Variants in SEC24A observed in about 807,000 individuals in gnomAD.
SEC24A encodes the protein SEC24 homolog A, COPII component, also known as protein transport protein Sec24A.
Under a neutral mutation model 129.4 loss-of-function variants are expected in SEC24A, and 93 were observed. The ratio of observed to expected loss-of-function variants is 0.72; its 90% CI spans 0.61 to 0.85. The LOEUF is 0.85. SEC24A is among the 40% of genes least tolerant of loss of function. The pLI, the probability that SEC24A is intolerant of heterozygous loss-of-function variation, is 0.00. For synonymous variants in SEC24A, 460 were observed against 467.3 expected (o/e 0.98, Z 0.20); for missense variants, 1,264 against 1,307.4 (o/e 0.97, Z 0.51).
chr5:134,657,182 G>GCACACA lies in SEC24A; in HGVS notation c.98-3910_98-3905dup, dbSNP rs70976550. On this transcript the variant is annotated intron_variant, in intron 1 of 22. Coordinates refer to ENST00000398844, the MANE Select transcript of SEC24A (RefSeq NM_021982.3). ...GAGCGAGACCTCATTTCTGAAAAAC[G>GCACACA]CACACACACACACACACACACACAC... is the stretch of plus-strand genomic sequence containing the variant. 2.8e-3 allele frequency among the ~76,000 whole-genome samples: 379 copies of GCACACA among 136,298 alleles called. 2 individuals carry two copies. The highest frequency in any genetic ancestry group is 8.4e-3 in the African/African-American group (310 of 37,050). 89.4% of individuals were successfully genotyped at this position (136,298 alleles called of 152,430 possible). A position where few individuals can be genotyped will look rare whatever the true frequency, so the allele number is the denominator to read the frequency against.
chr5:134,670,403 A>G (rs776323988), intron 3 of SEC24A, among the ~76,000 whole-genome samples: 1 of 152,206 alleles, frequency 6.6e-6, no homozygotes, highest in Non-Finnish European at 1.5e-5. Context: ...TAATACAGCT[A>G]TTGAAGTTAG....
intron 4 of SEC24A, 71 bp from the exon 5 acceptor site, chr5:134,674,543 AT>A: frequency 7.1e-7 from 1 of 1,416,400 alleles, no homozygotes; most frequent in East Asian, 2.5e-5. Flanking sequence ...TCCAAAAAAA[AT>A]GTTTTTTTAA....
At position 134,661,340 on chromosome 5, in the gene SEC24A, C is replaced by G. The variant is rs1460778495; in HGVS notation, c.319C>G (p.Arg107Gly). Residue 107 changes from arginine (R) to glycine (G), a missense_variant, in exon 2 of 23, where the codon CGA becomes GGA. By Grantham distance (125) the Arg-to-Gly change is moderately radical. Transcript: ENST00000398844. ...TPSLHSGPAPRMPLPASQNPA... is the reference protein window; with the variant it reads ...TPSLHSGPAPGMPLPASQNPA... The stretch of plus-strand genomic sequence containing the variant: ...TTCGCTTCATAGTGGTCCTGCTCCC[C>G]GAATGCCATTACCTGCTTCTCAGAA... 1 of 1,614,144 alleles carries G rather than the reference C, an allele frequency of 6.2e-7. No homozygotes were observed. Among genetic ancestry groups the G allele is most frequent in the Admixed American group, 1.7e-5 (1 of 59,988 alleles).
intron 18 of SEC24A, among the ~76,000 whole-genome samples, chr5:134,711,969 G>A (rs1053487157): frequency 9.2e-5 from 14 of 151,972 alleles, no homozygotes; most frequent in Non-Finnish European, 1.5e-4. Flanking sequence ...GGATGGTCTC[G>A]ATCTCCTGAC....
At chr5:134,677,494 G>A (rs1751106092) in intron 7 of SEC24A, among the ~76,000 whole-genome samples, 4 of 144,904 alleles carry the variant, frequency 2.8e-5, no homozygotes, top group Admixed American at 1.4e-4. Context: ...TTAAGAAGCA[G>A]AGTCTTAACT....
intron 12 of SEC24A, chr5:134,692,862 T>C: frequency 1.4e-6 from 1 of 708,178 alleles, no homozygotes; most frequent in East Asian, 2.7e-5. Context: ...AAGTTATTTG[T>C]AGTAGGGTAG....
rs933454497 is a variant in SEC24A, at chr5:134,681,440, GTT to G, written c.1382-931_1382-930del. Among the ~76,000 whole-genome samples, 29 of 120,244 alleles carry G rather than the reference GTT, an allele frequency of 2.4e-4. No individual in the cohort carries two copies. In the East Asian group the frequency reaches 4.7e-3, roughly 20 times the overall value. 78.9% of individuals were successfully genotyped at this position (120,244 alleles called of 152,430 possible). On this transcript the variant is annotated intron_variant, in intron 8 of 22. Coordinates refer to ENST00000398844, the MANE Select transcript of SEC24A (RefSeq NM_021982.3). ...AACAAAACAAAAAAACAGTTTTATT[GTT>G]TGTGTGTGTGTGTGTGTGTGTGTGT...
chr5:134,703,045 A>G (rs1487777684), intron 15 of SEC24A, among the ~76,000 whole-genome samples: 2 of 152,068 alleles, frequency 1.3e-5, no homozygotes. Flanking sequence ...GATTACAGGC[A>G]TGAGCCATTG....
chr5:134,699,691 ACT>A (rs1249007388), intron 15 of SEC24A, among the ~76,000 whole-genome samples: 1,384 of 124,260 alleles, frequency 0.011, 29 homozygotes, highest in African/African-American at 0.041. Context: ...CTTAGTTTGT[ACT>A]CTCTTTTTTT....
At position 134,696,513 on chromosome 5, in the gene SEC24A, T is replaced by C. The variant is rs144875384; in HGVS notation, c.1987-613T>C. ...AATTTTTAAAAAACATATATATATTTTTTCAGACGGAGTCTCGCTCTGTTG... is the reference window on the plus strand; with the variant it reads ...AATTTTTAAAAAACATATATATATTCTTTCAGACGGAGTCTCGCTCTGTTG... On this transcript the variant is annotated intron_variant, in intron 13 of 22. Transcript: ENST00000398844. 3.8e-3 allele frequency among the ~76,000 whole-genome samples: 581 copies of C among 152,152 alleles called. 6 individuals are homozygous for C. Among genetic ancestry groups the C allele is most frequent in the African/African-American group, 0.013 (558 of 41,538 alleles).
intron 9 of SEC24A, among the ~76,000 whole-genome samples, chr5:134,684,805 C>CA (rs896667023): frequency 5.3e-5 from 8 of 151,908 alleles, no homozygotes; most frequent in African/African-American, 1.4e-4. Context: ...TGGATTAAAA[C>CA]AAAAAAAACC....
At chr5:134,692,057 C>CTTTT (rs61531967) in intron 11 of SEC24A, among the ~76,000 whole-genome samples, 3 of 127,940 alleles carry the variant, frequency 2.3e-5, no homozygotes, top group Non-Finnish European at 5.0e-5. Context: ...TTTTTCTTTC[C>CTTTT]TTTTTTTTTT....
At chr5:134,706,344 A>G (rs1752160284) in intron 17 of SEC24A, among the ~76,000 whole-genome samples, 2 of 152,234 alleles carry the variant, frequency 1.3e-5, no homozygotes, top group South Asian at 2.1e-4. Flanking sequence ...ATGTGAGCCA[A>G]TAGGAAACTT....
At chr5:134,686,973 T>G in intron 10 of SEC24A, 71 bp downstream of exon 10, 1 of 834,756 alleles carries the variant, frequency 1.2e-6, no homozygotes, top group Middle Eastern at 3.1e-4. Flanking sequence ...TTTTTGAAAT[T>G]AAAAAATAAA....
rs58595047 is a variant in SEC24A at position 134,704,052 on chromosome 5, T to TTTTATTTA, written c.2440+146_2440+153dup. The TTTTATTTA allele has an allele frequency of 1.5e-3, 579 of 381,286 alleles. 5 individuals carry two copies. Among genetic ancestry groups the TTTTATTTA allele is most frequent in the African/African-American group, 9.8e-3 (450 of 46,100 alleles). 23.6% of individuals were successfully genotyped at this position (381,286 alleles called of 1,614,324 possible). A position where few individuals can be genotyped will look rare whatever the true frequency, so the allele number is the denominator to read the frequency against. ...ATGTGTGCTAACTTAAAATTGCTGT[T>TTTTATTTA]TTTATTTATTTATTTATTTATTTAT... On this transcript the variant is annotated intron_variant, in intron 16 of 22. Transcript: ENST00000398844.
chr5:134,713,024 C>T (rs1340521453), intron 18 of SEC24A, among the ~76,000 whole-genome samples: 4 of 146,330 alleles, frequency 2.7e-5, no homozygotes, highest in Non-Finnish European at 6.0e-5. Flanking sequence ...CTCCGCCTCC[C>T]GGGTTCACGC....
In SEC24A at chr5:134,687,403, G is replaced by A. The variant is rs1040003949; in HGVS notation, c.1604+501G>A. Among the ~76,000 whole-genome samples, 4 of 152,160 alleles carry A rather than the reference G, an allele frequency of 2.6e-5. No homozygotes were observed. The East Asian group carries it at 5.8e-4, about 22-fold the overall frequency. On this transcript the variant is annotated intron_variant, in intron 10 of 22. Transcript: ENST00000398844. ...GTTTATTGGAGTAAGAATTTAAACA[G>A]TATACACACATTGCATTTGGTTATC...
At chr5:134,714,041 C>CA (rs1029918191) in intron 18 of SEC24A, among the ~76,000 whole-genome samples, 67 of 141,846 alleles carry the variant, frequency 4.7e-4, no homozygotes, top group African/African-American at 8.5e-4. Context: ...GGCTCCGTCA[C>CA]AAAAAAAAAA....
At chr5:134,724,315 G>A (rs144403952) in intron 22 of SEC24A, among the ~76,000 whole-genome samples, 186 of 152,256 alleles carry the variant, frequency 1.2e-3, no homozygotes, top group Non-Finnish European at 1.9e-3. Context: ...GTCGCCGGGC[G>A]CGGTGGCTCA....
Sources: gnomAD v4.1 joint callset for allele counts (sites outside exome capture counted in the v4.1 genomes callset) on GRCh38, gnomAD v4.1.1 for gene constraint, MANE v1.5 for transcripts, NCBI Gene and HGNC (gene_info 2026-07-23, HGNC 2026-07-21) for gene names.